The following SMYD3 variants were observed in gnomAD, a reference collection of about 807,000 sequenced individuals.
SMYD3 encodes the protein SET and MYND domain containing 3.
SMYD3 carries 36 observed loss-of-function variants against 57.7 expected under a neutral mutation model. The ratio of observed to expected loss-of-function variants is 0.62; its 90% CI spans 0.48 to 0.82. The LOEUF (loss-of-function observed/expected upper bound fraction) is 0.82, where lower values mean the gene tolerates loss of function less well. Among genes scored for constraint, SMYD3 ranks in the 40% least tolerant of loss-of-function variants. SMYD3 has a pLI of 0.00. For synonymous variants in SMYD3, 211 were observed against 195.0 expected, an observed-to-expected ratio of 1.08 and a Z score of -0.68; for missense variants, 515 against 538.8, an observed-to-expected ratio of 0.96 and a Z score of 0.44.
In SMYD3 at chr1:246,079,937, G is replaced by T. The variant is rs866760762; in HGVS notation, c.532-150000C>A. Among the ~76,000 whole-genome samples the T allele has an allele frequency of 8.4e-4, 128 of 152,236 alleles. 1 individual carries two copies. The highest frequency in any genetic ancestry group is 2.8e-3 in the African/African-American group (116 of 41,560). On this transcript the variant is annotated intron_variant, in intron 5 of 11. Coordinates refer to ENST00000490107, the MANE Select transcript of SMYD3 (RefSeq NM_001167740.2). Reference sequence around the variant, plus strand: ...TTTAATGCCCAAATAATTGAAAAAAGAATTGGAGAGGTAACCTAACGGCAG... The same window carrying T: ...TTTAATGCCCAAATAATTGAAAAAATAATTGGAGAGGTAACCTAACGGCAG...
At chr1:246,294,517 T>C (rs958139869) in intron 5 of SMYD3, among the ~76,000 whole-genome samples, 2 of 152,148 alleles carry the variant, frequency 1.3e-5, no homozygotes, top group African/African-American at 4.8e-5. Context: ...AAAGAATTCG[T>C]GGAGAAAGCC....
At chr1:246,490,644 G>A (rs1558488869) in intron 1 of SMYD3, among the ~76,000 whole-genome samples, 1 of 152,142 alleles carries the variant, frequency 6.6e-6, no homozygotes, top group African/African-American at 2.4e-5. Flanking sequence ...AGGCCAAGGG[G>A]AGAGGACTGC....
chr1:246,507,232 G>A lies in SMYD3; in HGVS notation c.-15C>T, dbSNP rs577887377. On this transcript the variant is annotated 5_prime_UTR_variant, in exon 1 of 12. Transcript: ENST00000490107. ...AGCGGCTCCATCCTCCCGCAGCTCC[G>A]GCACCTCAGACGGCTACCCGCGTCC... 3.6e-4 allele frequency: 537 copies of A among 1,509,124 alleles called. 3 individuals are homozygous for A. In the South Asian group the frequency reaches 6.2e-3, roughly 17 times the overall value. The allele number at this position is 1,509,124 out of a possible 1,614,324, so 93.5% of individuals were successfully genotyped here. A position where few individuals can be genotyped will look rare whatever the true frequency, so the allele number is the denominator to read the frequency against.
At chr1:246,279,140 CT>C (rs1185635266) in intron 5 of SMYD3, among the ~76,000 whole-genome samples, 1 of 152,204 alleles carries the variant, frequency 6.6e-6, no homozygotes, top group African/African-American at 2.4e-5. Context: ...TTACTCCCTT[CT>C]GTGGAGACAC....
chr1:246,260,129 C>A (rs779020079), intron 5 of SMYD3, among the ~76,000 whole-genome samples: 2 of 152,164 alleles, frequency 1.3e-5, no homozygotes, highest in Non-Finnish European at 2.9e-5. Context: ...AAGGATGGAG[C>A]AGCTCGGGCT....
chr1:246,186,871 C>T (rs563648864), intron 5 of SMYD3: 6 of 985,436 alleles, frequency 6.1e-6, no homozygotes, highest in South Asian at 4.7e-5. Flanking sequence ...ACAGTTACCT[C>T]GCAGGAGAAT....
chr1:246,418,408 C>T (rs895319829), intron 1 of SMYD3, among the ~76,000 whole-genome samples: 2 of 152,112 alleles, frequency 1.3e-5, no homozygotes, highest in African/African-American at 2.4e-5. Flanking sequence ...GGGCTCGGAC[C>T]CCATGGCAGT....
intron 10 of SMYD3, among the ~76,000 whole-genome samples, chr1:245,799,792 A>C (rs1052585689): frequency 2.0e-5 from 3 of 152,106 alleles, no homozygotes; most frequent in Non-Finnish European, 4.4e-5. Flanking sequence ...ACACCTGTCC[A>C]CCTGTCCATC....
chr1:246,054,776 T>G (rs2060120053), intron 5 of SMYD3, among the ~76,000 whole-genome samples: 1 of 150,358 alleles, frequency 6.7e-6, no homozygotes, highest in African/African-American at 2.5e-5. Flanking sequence ...TGGCCATTTT[T>G]ATGCACATAA....
At chr1:245,813,879 T>G (rs1458146038) in intron 10 of SMYD3, among the ~76,000 whole-genome samples, 12 of 1,310 alleles carry the variant, frequency 9.2e-3, no homozygotes, top group African/African-American at 0.011. Flanking sequence ...TATATATATA[T>G]ATATATATAT....
intron 2 of SMYD3, among the ~76,000 whole-genome samples, 188 bp from the exon 3 acceptor site, chr1:246,335,662 C>T (rs903627954): frequency 1.3e-5 from 2 of 152,158 alleles, no homozygotes; most frequent in Admixed American, 6.5e-5. Flanking sequence ...TATGCAATTA[C>T]TATGCAAGGA....
intron 2 of SMYD3, among the ~76,000 whole-genome samples, chr1:246,350,625 G>A (rs927066942): frequency 6.6e-6 from 1 of 150,912 alleles, no homozygotes; most frequent in Non-Finnish European, 1.5e-5. Context: ...TGGAAAACAT[G>A]AAGGGAAGTG....
At chr1:246,204,866 A>G (rs1452724743) in intron 5 of SMYD3, among the ~76,000 whole-genome samples, 1 of 152,248 alleles carries the variant, frequency 6.6e-6, no homozygotes, top group Non-Finnish European at 1.5e-5. Context: ...CAAACTCTTC[A>G]GGCCTTGACT....
At position 246,247,487 on chromosome 1, in the gene SMYD3, T is replaced by TATATA. The variant is rs1558347068; in HGVS notation, c.531+79713_531+79714insTATAT. Among the ~76,000 whole-genome samples, 59 of 141,332 alleles carry TATATA rather than the reference T, an allele frequency of 4.2e-4. 1 individual carries two copies. The highest frequency in any genetic ancestry group is 4.2e-3 in the East Asian group (19 of 4,568). 92.7% of individuals were successfully genotyped at this position (141,332 alleles called of 152,430 possible). A position where few individuals can be genotyped will look rare whatever the true frequency, so the allele number is the denominator to read the frequency against. Reference sequence around the variant, plus strand: ...TCTCTATATATATATATATATATATTTTTTAACATGGGACTCATATATATA... The same window carrying TATATA: ...TCTCTATATATATATATATATATATTATATATTTTAACATGGGACTCATATATATA... On this transcript the variant is annotated intron_variant, in intron 5 of 11. Transcript: ENST00000490107.
chr1:246,273,852 C>T (rs138890819), intron 5 of SMYD3, among the ~76,000 whole-genome samples: 21 of 152,126 alleles, frequency 1.4e-4, no homozygotes, highest in African/African-American at 5.1e-4. Flanking sequence ...GCTGGGATTA[C>T]AGGCGTGAAC....
chr1:246,265,162 G>A (rs571897355), intron 5 of SMYD3, among the ~76,000 whole-genome samples: 2 of 152,296 alleles, frequency 1.3e-5, no homozygotes, highest in East Asian at 3.9e-4. Flanking sequence ...TCGAGACAGG[G>A]TCTTTCTCTG....
intron 5 of SMYD3, among the ~76,000 whole-genome samples, chr1:246,116,677 A>G (rs1009045800): frequency 6.6e-6 from 1 of 152,232 alleles, no homozygotes; most frequent in African/African-American, 2.4e-5. Flanking sequence ...TTAATGAGAA[A>G]TAGAACAGCT....
intron 5 of SMYD3, among the ~76,000 whole-genome samples, chr1:246,235,868 A>C (rs914126570): frequency 1.3e-5 from 2 of 152,222 alleles, no homozygotes. Flanking sequence ...AAATATGGCT[A>C]GTGCAACTGA....
At chr1:246,036,539 CTTTTT>C (rs59062672) in intron 5 of SMYD3, among the ~76,000 whole-genome samples, 7 of 144,952 alleles carry the variant, frequency 4.8e-5, no homozygotes, top group African/African-American at 1.3e-4. Flanking sequence ...TTCTTTCTCT[CTTTTT>C]TTTTTTTTTG....
Sources: gnomAD v4.1 joint callset for allele counts (sites outside exome capture counted in the v4.1 genomes callset) on GRCh38, gnomAD v4.1.1 for gene constraint, MANE v1.5 for transcripts, NCBI Gene and HGNC (gene_info 2026-07-23, HGNC 2026-07-21) for gene names.